TLK2: variants seen among roughly 807,000 people sequenced by gnomAD.
The protein encoded by TLK2 is serine/threonine-protein kinase tousled-like 2.
In TLK2, 6 loss-of-function variants were observed where a neutral mutation model predicts 117.3. The observed-to-expected ratio is 0.05, with a 90% CI of 0.03 to 0.10. The LOEUF (loss-of-function observed/expected upper bound fraction) is 0.10, where lower values mean the gene tolerates loss of function less well. Among genes scored for constraint, TLK2 ranks in the 10% least tolerant of loss-of-function variants. The probability of loss-of-function intolerance (pLI) is 1.00; values close to 1 mark genes in which losing one functional copy is unlikely to be tolerated. For synonymous variants in TLK2, 257 were observed against 316.7 expected (o/e 0.81, Z 2.00); for missense variants, 299 against 901.2 (o/e 0.33, Z 8.56).
chr17:62,516,605 G>A (rs1598336230), intron 2 of TLK2: 8 of 1,610,144 alleles, frequency 5.0e-6, no homozygotes, highest in East Asian at 2.2e-5. Context: ...ACGTAGCCTC[G>A]GCACTTGAGA....
At chr17:62,590,370 C>A (rs372507339) in intron 16 of TLK2, among the ~76,000 whole-genome samples, 11 of 152,056 alleles carry the variant, frequency 7.2e-5, no homozygotes, top group African/African-American at 2.4e-4. Flanking sequence ...ACCCAGGAGG[C>A]AGAGGTTGTG....
intron 19 of TLK2, among the ~76,000 whole-genome samples, chr17:62,604,483 AAGTT>A (rs2083115089): frequency 6.6e-6 from 1 of 152,142 alleles, no homozygotes; most frequent in African/African-American, 2.4e-5. Context: ...CCTTGATAGT[AAGTT>A]AGAATGCTTA....
Position 62,592,736 on chromosome 17 carries a change from C to A in TLK2, c.1461-3849C>A, listed in dbSNP as rs562651125. Among the ~76,000 whole-genome samples the A allele has an allele frequency of 2.0e-5, 3 of 152,168 alleles. No individual in the cohort carries two copies. The East Asian group carries it at 5.8e-4, about 29-fold the overall frequency. ...TCAAGCGCATTACATTTGTTGTGTACTTTATTTCTATTAGTGTTACATTGT... is the reference window on the plus strand; with the variant it reads ...TCAAGCGCATTACATTTGTTGTGTAATTTATTTCTATTAGTGTTACATTGT... On this transcript the variant is annotated intron_variant, in intron 16 of 21. Coordinates refer to ENST00000346027, the MANE Select transcript of TLK2 (RefSeq NM_006852.6).
At chr17:62,601,363 A>G (rs556342802) in intron 18 of TLK2, among the ~76,000 whole-genome samples, 4 of 152,278 alleles carry the variant, frequency 2.6e-5, no homozygotes, top group Non-Finnish European at 5.9e-5. Flanking sequence ...GCATAGTTCT[A>G]TAGACAACTC....
chr17:62,544,296 A>G (rs2077745470), intron 7 of TLK2, among the ~76,000 whole-genome samples: 1 of 152,236 alleles, frequency 6.6e-6, no homozygotes, highest in Non-Finnish European at 1.5e-5. Context: ...AACAGGAAGC[A>G]TGACTGGGAG....
chr17:62,500,875 A>G lies in TLK2; in HGVS notation c.81+19669A>G, dbSNP rs2074131048. Among the ~76,000 whole-genome samples the G allele has an allele frequency of 2.6e-5, 4 of 152,356 alleles. No homozygotes were observed. The South Asian group carries it at 8.3e-4, about 32-fold the overall frequency. On this transcript the variant is annotated intron_variant, in intron 2 of 21. Transcript: ENST00000346027. ...AACCTTTAGGTCAAAGAATTCACAA[A>G]GGAAATTAGAAAATATTCATAGCTA...
intron 8 of TLK2, chr17:62,553,310 T>G: frequency 4.8e-6 from 1 of 210,504 alleles, no homozygotes; most frequent in Non-Finnish European, 9.5e-6. Context: ...CATTTGTTCC[T>G]TAGAGAGTTG....
intron 11 of TLK2, among the ~76,000 whole-genome samples, chr17:62,571,715 AT>A (rs2080306642): frequency 6.6e-6 from 1 of 152,186 alleles, no homozygotes; most frequent in African/African-American, 2.4e-5. Flanking sequence ...CCTTCTAGAT[AT>A]GTTCGAATAA....
At chr17:62,482,434 G>A (rs980419113) in intron 2 of TLK2, among the ~76,000 whole-genome samples, 7 of 149,774 alleles carry the variant, frequency 4.7e-5, no homozygotes, top group Non-Finnish European at 3.0e-5. Context: ...GGTGAGCCGG[G>A]ATAGCTTGAT....
intron 8 of TLK2, 84 bp from the exon 9 acceptor site, chr17:62,553,579 C>T (rs527706803): frequency 1.1e-6 from 1 of 944,896 alleles, no homozygotes; most frequent in Non-Finnish European, 1.7e-6. Flanking sequence ...TTTCCCACCC[C>T]CCCGAGAAAG....
At chr17:62,574,374 A>G (rs2080582872) in intron 12 of TLK2, 2 of 1,538,660 alleles carry the variant, frequency 1.3e-6, no homozygotes, top group Non-Finnish European at 8.8e-7. Context: ...GAGCTAAAGG[A>G]TACAGCCCCA....
At chr17:62,540,780 G>T (rs150108521) in intron 7 of TLK2, among the ~76,000 whole-genome samples, 2,746 of 151,980 alleles carry the variant, frequency 0.018, 77 homozygotes, top group African/African-American at 0.062. Context: ...GAGATAACTG[G>T]ACCCATTGCT....
chr17:62,592,237 G>A (rs1348046774), intron 16 of TLK2, among the ~76,000 whole-genome samples: 1 of 152,020 alleles, frequency 6.6e-6, no homozygotes. Context: ...GGGATTATAG[G>A]CACGAGCCAC....
intron 6 of TLK2, among the ~76,000 whole-genome samples, chr17:62,527,643 G>T (rs1236318726): frequency 2.0e-5 from 3 of 151,744 alleles, no homozygotes; most frequent in African/African-American, 7.3e-5. Context: ...TATTTTATAG[G>T]TCATTTATTT....
At chr17:62,609,245 G>A (rs1045394181) in intron 21 of TLK2, among the ~76,000 whole-genome samples, 2 of 152,062 alleles carry the variant, frequency 1.3e-5, no homozygotes, top group Non-Finnish European at 2.9e-5. Flanking sequence ...ACTGCTCCTG[G>A]CTATTTTTTT....
At chr17:62,503,052 CTTTTTT>C (rs535547546) in intron 2 of TLK2, among the ~76,000 whole-genome samples, 2 of 87,126 alleles carry the variant, frequency 2.3e-5, no homozygotes, top group African/African-American at 4.4e-5. Context: ...TTTGGCTTAA[CTTTTTT>C]TTTTTTTTTT....
chr17:62,487,372 G>A (rs1182218071), intron 2 of TLK2, among the ~76,000 whole-genome samples: 2 of 150,788 alleles, frequency 1.3e-5, no homozygotes, highest in Admixed American at 6.6e-5. Context: ...GCCCTAGAAA[G>A]ACTAGATAAG....
chr17:62,596,558 C>T (rs1567995481), intron 16 of TLK2, 27 bp from the exon 17 acceptor site: 1 of 1,579,468 alleles, frequency 6.3e-7, no homozygotes, highest in East Asian at 2.2e-5. Context: ...AATATACCTT[C>T]TTGTTAATTT....
intron 2 of TLK2, among the ~76,000 whole-genome samples, chr17:62,489,778 G>A (rs1253010369): frequency 1.3e-5 from 2 of 152,138 alleles, no homozygotes; most frequent in Non-Finnish European, 2.9e-5. Flanking sequence ...TTGATGATAC[G>A]TTATTAACTA....
Sources: gnomAD v4.1 joint callset for allele counts (sites outside exome capture counted in the v4.1 genomes callset) on GRCh38, gnomAD v4.1.1 for gene constraint, MANE v1.5 for transcripts, NCBI Gene and HGNC (gene_info 2026-07-23, HGNC 2026-07-21) for gene names.